Variants in EEF2 observed in about 807,000 individuals in gnomAD.
EEF2 encodes elongation factor 2.
Under a neutral mutation model 85.3 loss-of-function variants are expected in EEF2, and 21 were observed. That is an observed-to-expected ratio of 0.25 (90% CI 0.17 to 0.35). The LOEUF (loss-of-function observed/expected upper bound fraction) is 0.35. EEF2 is among the 10% of genes least tolerant of loss of function. EEF2 has a pLI of 1.00. For missense variants in EEF2, 825 were observed against 1,225.3 expected, an observed-to-expected ratio of 0.67 and a Z score of 4.88; for synonymous variants, 723 against 508.8, an observed-to-expected ratio of 1.42 and a Z score of -5.67.
Position 3,982,185 on chromosome 19 carries a change from C to T in EEF2, c.791+61G>A. 1.9e-6 allele frequency: 3 copies of T among 1,605,650 alleles called. No homozygotes were observed. The South Asian group carries it at 3.3e-5, about 18-fold the overall frequency. On this transcript the variant is annotated intron_variant, in intron 5 of 14. Coordinates refer to ENST00000309311, the MANE Select transcript of EEF2 (RefSeq NM_001961.4). ...ACGCTGTGAATAGCACACCACGCCC[C>T]TACGTCGCTGCCACTACCCCCAGGT... is the stretch of plus-strand genomic sequence containing the variant.
rs1007318969 is a variant in EEF2, at chr19:3,982,728, C to T, written c.612+79G>A. 52 of 1,473,770 alleles carry T rather than the reference C, an allele frequency of 3.5e-5. 1 individual carries two copies. The African/African-American group carries it at 6.8e-4, about 19-fold the overall frequency. 91.3% of individuals were successfully genotyped at this position (1,473,770 alleles called of 1,614,324 possible). A position where few individuals can be genotyped will look rare whatever the true frequency, so the allele number is the denominator to read the frequency against. On this transcript the variant is annotated intron_variant, in intron 4 of 14. Transcript: ENST00000309311. ...TGGCAAAAACACACTTCCAGTCCCC[C>T]TCAGCTCAACTCCACTCCCCACCGG...
chr19:3,981,208 A>G (rs909810133), intron 7 of EEF2, 131 bp downstream of exon 7: 5 of 1,077,124 alleles, frequency 4.6e-6, no homozygotes, highest in African/African-American at 1.6e-5. Flanking sequence ...CAGCACCCAG[A>G]GTCTAAAGCG....
Position 3,977,750 on chromosome 19 carries a change from G to T in EEF2, c.2067+69C>A. On this transcript the variant is annotated intron_variant, in intron 12 of 14. Coordinates refer to ENST00000309311, the MANE Select transcript of EEF2 (RefSeq NM_001961.4). This position sits in a 1 kb window ranked among gnomAD's most constrained non-coding sequence, Gnocchi z 5.4. ...CCCCATTAGGGTCTCTGTCTCGGGA[G>T]GCAGGACCATGAGGTCCCTCTAGAG... 1 of 1,498,594 alleles carries T rather than the reference G, an allele frequency of 6.7e-7. No homozygotes were observed. The highest frequency in any genetic ancestry group is 8.9e-7 in the Non-Finnish European group (1 of 1,124,714). The allele number at this position is 1,498,594 out of a possible 1,614,324, so 92.8% of individuals were successfully genotyped here. A position where few individuals can be genotyped will look rare whatever the true frequency, so the allele number is the denominator to read the frequency against.
Position 3,977,713 on chromosome 19 carries a change from T to C in EEF2, c.2068-103A>G. 6.8e-7 allele frequency: 1 copy of C among 1,479,728 alleles called. No homozygotes were observed. The highest frequency in any genetic ancestry group is 8.9e-7 in the Non-Finnish European group (1 of 1,118,342). The allele number at this position is 1,479,728 out of a possible 1,614,324, so 91.7% of individuals were successfully genotyped here. On this transcript the variant is annotated intron_variant, in intron 12 of 14. Transcript: ENST00000309311. This position sits in a 1 kb window ranked among gnomAD's most constrained non-coding sequence, Gnocchi z 5.4. ...TCTCCACCAGGGGGACCTGGGGCCT[T>C]GCCCGCCTTGGCCCCATTAGGGTCT...
In EEF2 at chr19:3,979,979, G is replaced by A. The variant is rs2039725150; in HGVS notation, c.1434C>T (p.Phe478=). ...NIVGLVGVDQ[F]LVKTGTITTF... ...TGGTGATGGTGCCCGTCTTCACCAG[G>A]AACTGGTCCACGCCCACGAGGCCCA... The change falls in exon 10 of 15, where the codon TTC becomes TTT. Residue 478 remains phenylalanine, a synonymous_variant. Coordinates refer to ENST00000309311, the MANE Select transcript of EEF2 (RefSeq NM_001961.4). 6.2e-7 allele frequency: 1 copy of A among 1,613,920 alleles called. No homozygotes were observed. The highest frequency in any genetic ancestry group is 2.2e-5 in the East Asian group (1 of 44,896).
Position 3,977,019 on chromosome 19 carries a change from T to C in EEF2, c.2383+196A>G, listed in dbSNP as rs1382413892. Among the ~76,000 whole-genome samples, 1 of 152,214 alleles carries C rather than the reference T, an allele frequency of 6.6e-6. No homozygotes were observed. Among genetic ancestry groups the C allele is most frequent in the Admixed American group, 6.5e-5 (1 of 15,276 alleles). ...TCCAGGCCCAGAGCCCTTCTCACACTGGGGATAGGAGAGCCCCTCCCCTGG... is the reference window on the plus strand; with the variant it reads ...TCCAGGCCCAGAGCCCTTCTCACACCGGGGATAGGAGAGCCCCTCCCCTGG... On this transcript the variant is annotated intron_variant, in intron 14 of 14. Transcript: ENST00000309311. The surrounding 1 kb of genome is among the most constrained non-coding windows in gnomAD (Gnocchi z 5.4).
rs751675179 is a variant in EEF2, at chr19:3,977,780, GA to G, written c.2067+38del. The G allele has an allele frequency of 1.3e-6, 2 of 1,530,086 alleles. No individual in the cohort carries two copies. The highest frequency in any genetic ancestry group is 2.7e-5 in the African/African-American group (2 of 72,870). The allele number at this position is 1,530,086 out of a possible 1,614,324, so 94.8% of individuals were successfully genotyped here. Reference sequence around the variant, plus strand: ...GACCATGAGGTCCCTCTAGAGCCTGGAAACGGGTGTGGTCTGCACATGCTGA... The same window carrying G: ...GACCATGAGGTCCCTCTAGAGCCTGGAACGGGTGTGGTCTGCACATGCTGA... On this transcript the variant is annotated intron_variant, in intron 12 of 14. Coordinates refer to ENST00000309311, the MANE Select transcript of EEF2 (RefSeq NM_001961.4). The surrounding 1 kb of genome is among the most constrained non-coding windows in gnomAD (Gnocchi z 5.4).
Position 3,980,653 on chromosome 19 carries a change from G to C in EEF2, c.1207C>G (p.Pro403Ala), listed in dbSNP as rs895700162. ...TAGAACCGACCTTTGTCGGAGGTTG[G>C]CACCATTTTGGAAATATACATCATA... ...PLMMYISKMVPTSDKGRFYAF... is the reference protein window; with the variant it reads ...PLMMYISKMVATSDKGRFYAF... The change falls in exon 9 of 15, where the codon CCA becomes GCA. Residue 403 changes from proline to alanine, a missense_variant. Pro to Ala is a conservative substitution (Grantham distance 27). Transcript: ENST00000309311. 1 of 1,614,178 alleles carries C rather than the reference G, an allele frequency of 6.2e-7. No homozygotes were observed. The highest frequency in any genetic ancestry group is 8.5e-7 in the Non-Finnish European group (1 of 1,180,022).
At chr19:3,979,224 C>G (rs898367304) in intron 11 of EEF2, 105 bp downstream of exon 11, 2 of 836,124 alleles carry the variant, frequency 2.4e-6, no homozygotes, top group African/African-American at 3.4e-5. Flanking sequence ...AGACCAAGAC[C>G]GAGATCAAGT....
At position 3,977,596 on chromosome 19, in the gene EEF2, C is replaced by A; in HGVS notation, c.2082G>T (p.Glu694Asp). The A allele has an allele frequency of 6.5e-7, 1 of 1,532,182 alleles. No individual in the cohort carries two copies. The highest frequency in any genetic ancestry group is 2.3e-5 in the East Asian group (1 of 44,008). 94.9% of individuals were successfully genotyped at this position (1,532,182 alleles called of 1,614,324 possible). The change falls in exon 13 of 15, where the codon GAG becomes GAT. Residue 694 changes from glutamate (E) to aspartate (D), a missense_variant. Transcript: ENST00000309311. The surrounding 1 kb of genome is among the most constrained non-coding windows in gnomAD (Gnocchi z 5.4). ...CGAAGCGCACACCCCGCATGTTCTCCTCACACAGTGCGCCCTGGGGGAGGG... is the reference window on the plus strand; with the variant it reads ...CGAAGCGCACACCCCGCATGTTCTCATCACACAGTGCGCCCTGGGGGAGGG... ...QWATKEGALC[E>D]ENMRGVRFDV...
intron 9 of EEF2, 144 bp from the exon 10 acceptor site, chr19:3,980,210 C>T (rs895436807): frequency 9.7e-6 from 12 of 1,233,290 alleles, no homozygotes; most frequent in African/African-American, 3.0e-5. Context: ...CTGACTGCTG[C>T]GTCGGGGCTG....
At position 3,985,460 on chromosome 19, in the gene EEF2, A is replaced by C. The variant is rs1027642860; in HGVS notation, c.-80T>G. 4.3e-6 allele frequency: 6 copies of C among 1,391,916 alleles called. No individual in the cohort carries two copies. Among genetic ancestry groups the C allele is most frequent in the Non-Finnish European group, 5.7e-6 (6 of 1,057,328 alleles). 86.2% of individuals were successfully genotyped at this position (1,391,916 alleles called of 1,614,324 possible). On this transcript the variant is annotated 5_prime_UTR_variant, in exon 1 of 15. Coordinates refer to ENST00000309311, the MANE Select transcript of EEF2 (RefSeq NM_001961.4). Reference sequence around the variant, plus strand: ...CGAGGATGGCGGCGACGACGGCGGAAGAGAACGCTGACGTCAACACTCAGC... The same window carrying C: ...CGAGGATGGCGGCGACGACGGCGGACGAGAACGCTGACGTCAACACTCAGC...
chr19:3,980,761 T>A, intron 8 of EEF2, 52 bp from the exon 9 acceptor site: 2 of 1,600,024 alleles, frequency 1.2e-6, no homozygotes, highest in Non-Finnish European at 1.7e-6. Context: ...CTCAGCCTTC[T>A]GGAACCCTGC....
chr19:3,976,295 T>TA lies in EEF2; in HGVS notation c.*258_*259insT. On this transcript the variant is annotated 3_prime_UTR_variant, in exon 15 of 15. Coordinates refer to ENST00000309311, the MANE Select transcript of EEF2 (RefSeq NM_001961.4). ...AATGGAAAAAGTGTTGGGTGTCCCA[T>TA]CCCGCCTCCCCCTCCCCGACCGGCC... is the stretch of plus-strand genomic sequence containing the variant. The TA allele has an allele frequency of 3.7e-6, 1 of 271,054 alleles. No individual in the cohort carries two copies. The highest frequency in any genetic ancestry group is 7.2e-6 in the Non-Finnish European group (1 of 138,130). The allele number at this position is 271,054 out of a possible 1,614,324, so 16.8% of individuals were successfully genotyped here. A position where few individuals can be genotyped will look rare whatever the true frequency, so the allele number is the denominator to read the frequency against.
chr19:3,983,021 G>C lies in EEF2; in HGVS notation c.401-3C>G, dbSNP rs1427656174. ...TGTCTCCGTCTGCACGCACACGCCTGGGGACACGGGGGACAGGGCGGCGCT... is the reference window on the plus strand; with the variant it reads ...TGTCTCCGTCTGCACGCACACGCCTCGGGACACGGGGGACAGGGCGGCGCT... On this transcript the variant is annotated splice_polypyrimidine_tract_variant and splice_region_variant and intron_variant, in intron 3 of 14. Coordinates refer to ENST00000309311, the MANE Select transcript of EEF2 (RefSeq NM_001961.4). 1 of 1,612,624 alleles carries C rather than the reference G, an allele frequency of 6.2e-7. No individual in the cohort carries two copies. The highest frequency in any genetic ancestry group is 1.7e-5 in the Admixed American group (1 of 59,986).
rs780192260 is a variant in EEF2, at chr19:3,984,225, C to A, written c.129G>T (p.Ala43=). 2.5e-6 allele frequency: 4 copies of A among 1,614,138 alleles called. No homozygotes were observed. The highest frequency in any genetic ancestry group is 3.3e-4 in the Middle Eastern group (2 of 6,062). Residue 43 remains alanine (A), a synonymous_variant, in exon 2 of 15, where the codon GCG becomes GCT. Coordinates refer to ENST00000309311, the MANE Select transcript of EEF2 (RefSeq NM_001961.4). ...CGGCCCGGGCCGAGGCGATGATGCCCGCCTTGCACACCAGGGAGTCTGTCA... is the reference window on the plus strand; with the variant it reads ...CGGCCCGGGCCGAGGCGATGATGCCAGCCTTGCACACCAGGGAGTCTGTCA... ...STLTDSLVCK[A]GIIASARAGE... is the part of the protein sequence containing the mutation.
chr19:3,981,897 C>T (rs754152602), intron 6 of EEF2, 50 bp downstream of exon 6: 13 of 1,571,350 alleles, frequency 8.3e-6, no homozygotes, highest in South Asian at 4.4e-5. Context: ...CCCACAGGGC[C>T]GAGGGCCAAT....
chr19:3,977,615 G>T lies in EEF2; in HGVS notation c.2068-5C>A. 3.3e-6 allele frequency: 5 copies of T among 1,507,884 alleles called. 1 individual carries two copies. The South Asian group carries it at 5.2e-5, about 16-fold the overall frequency. The allele number at this position is 1,507,884 out of a possible 1,614,324, so 93.4% of individuals were successfully genotyped here. A position where few individuals can be genotyped will look rare whatever the true frequency, so the allele number is the denominator to read the frequency against. ...GTTCTCCTCACACAGTGCGCCCTGG[G>T]GGAGGGGGAGAGCCACCGTCAAGGG... On this transcript the variant is annotated splice_region_variant and splice_polypyrimidine_tract_variant and intron_variant, in intron 12 of 14. Transcript: ENST00000309311. This position sits in a 1 kb window ranked among gnomAD's most constrained non-coding sequence, Gnocchi z 5.4.
In EEF2 at chr19:3,976,310, C is replaced by G; in HGVS notation, c.*244G>C. 2 of 419,012 alleles carry G rather than the reference C, an allele frequency of 4.8e-6. No homozygotes were observed. Among genetic ancestry groups the G allele is most frequent in the Non-Finnish European group, 4.3e-6 (1 of 233,724 alleles). The allele number at this position is 419,012 out of a possible 1,614,324, so 26.0% of individuals were successfully genotyped here. A position where few individuals can be genotyped will look rare whatever the true frequency, so the allele number is the denominator to read the frequency against. On this transcript the variant is annotated 3_prime_UTR_variant, in exon 15 of 15. Transcript: ENST00000309311. The stretch of plus-strand genomic sequence containing the variant: ...GGGTGTCCCATCCCGCCTCCCCCTC[C>G]CCGACCGGCCCATTAAGTCCCTACT...
Sources: gnomAD v4.1 joint callset for allele counts (sites outside exome capture counted in the v4.1 genomes callset) on GRCh38, gnomAD v4.1.1 for gene constraint, Gnocchi (gnomAD v3.1) non-coding constraint, MANE v1.5 for transcripts, NCBI Gene and HGNC (gene_info 2026-07-23, HGNC 2026-07-21) for gene names.